The following SCN7A variants were observed in gnomAD, a reference collection of about 807,000 sequenced individuals.
SCN7A encodes sodium voltage-gated channel alpha subunit 7.
In SCN7A, 138 loss-of-function variants were observed where a neutral mutation model predicts 155.2. That is an observed-to-expected ratio of 0.89 (90% CI 0.77 to 1.02). The LOEUF (loss-of-function observed/expected upper bound fraction) is 1.02, where lower values mean the gene tolerates loss of function less well. Ranked by LOEUF, SCN7A falls within the 50% of genes least tolerant of loss-of-function variation. The pLI is 0.00. For missense variants in SCN7A, 2,058 were observed against 1,986.6 expected, an observed-to-expected ratio of 1.04 and a Z score of -0.68; for synonymous variants, 693 against 649.0, an observed-to-expected ratio of 1.07 and a Z score of -1.03.
chr2:166,477,441 A>T, intron 3 of SCN7A, 22 bp downstream of exon 3: 1 of 1,320,470 alleles, frequency 7.6e-7, no homozygotes. Context: ...ATGTCATCAA[A>T]ATAATCTCAA....
intron 3 of SCN7A, among the ~76,000 whole-genome samples, chr2:166,474,831 A>C (rs1018764222): frequency 5.1e-4 from 78 of 151,812 alleles, no homozygotes; most frequent in African/African-American, 1.9e-3. Context: ...TCTATGAAAT[A>C]AAACCAAACT....
rs750255248 is a variant in SCN7A, at chr2:166,447,577, T to C, written c.1387+35A>G. 2.2e-6 allele frequency: 3 copies of C among 1,383,766 alleles called. No individual in the cohort carries two copies. The African/African-American group carries it at 4.3e-5, about 20-fold the overall frequency. The allele number at this position is 1,383,766 out of a possible 1,614,324, so 85.7% of individuals were successfully genotyped here. On this transcript the variant is annotated intron_variant, in intron 12 of 25. Coordinates refer to ENST00000643258, the MANE Select transcript of SCN7A (RefSeq NM_002976.4). ...AAAAGTGAATTTTATGAGTAGTACC[T>C]TCAATAGTGAGTGTCTACTTATTTA...
rs140796931 is a variant in SCN7A, at chr2:166,465,314, A to G, written c.941+148T>C. 271 of 643,980 alleles carry G rather than the reference A, an allele frequency of 4.2e-4. No homozygotes were observed. In the East Asian group the frequency reaches 6.8e-3, roughly 16 times the overall value. 39.9% of individuals were successfully genotyped at this position (643,980 alleles called of 1,614,324 possible). A position where few individuals can be genotyped will look rare whatever the true frequency, so the allele number is the denominator to read the frequency against. On this transcript the variant is annotated intron_variant, in intron 9 of 25. Transcript: ENST00000643258. ...TGTGGTATTTTGTTAATGCAGCCTG[A>G]GTAGACTAAGACAACTTCTCAGTAT...
intron 10 of SCN7A, among the ~76,000 whole-genome samples, chr2:166,460,408 A>G (rs978869054): frequency 6.6e-6 from 1 of 151,480 alleles, no homozygotes; most frequent in Admixed American, 6.6e-5. Flanking sequence ...AATCAAAAAA[A>G]TTAAAATAAG....
chr2:166,416,916 A>C lies in SCN7A; in HGVS notation c.3205T>G (p.Trp1069Gly). ...ACTCCCATGATACTAAAAATCAGCC[A>C]GATCATCAGGCAGACAAGAAACACA... ...LNVFLVCLMIWLIFSIMGVDL... is the reference protein window; with the variant it reads ...LNVFLVCLMIGLIFSIMGVDL... The change falls in exon 21 of 26, where the codon TGG becomes GGG. Residue 1069 changes from tryptophan (W) to glycine (G), a missense_variant. By Grantham distance (184) the Trp-to-Gly change is radical. Coordinates refer to ENST00000643258, the MANE Select transcript of SCN7A (RefSeq NM_002976.4). 6.2e-7 allele frequency: 1 copy of C among 1,612,724 alleles called. No individual in the cohort carries two copies. The highest frequency in any genetic ancestry group is 8.5e-7 in the Non-Finnish European group (1 of 1,179,272).
intron 1 of SCN7A, among the ~76,000 whole-genome samples, chr2:166,489,769 T>G (rs1242500309): frequency 6.6e-6 from 1 of 152,180 alleles, no homozygotes; most frequent in African/African-American, 2.4e-5. Flanking sequence ...TCAGTCCAGT[T>G]TGGCTTCAGG....
intron 10 of SCN7A, among the ~76,000 whole-genome samples, chr2:166,457,328 A>C (rs1265117629): frequency 6.6e-6 from 1 of 152,238 alleles, no homozygotes. Context: ...AATTAACTTA[A>C]GGTAAGTATT....
intron 11 of SCN7A, among the ~76,000 whole-genome samples, chr2:166,454,033 C>A (rs1702228586): frequency 6.6e-6 from 1 of 151,856 alleles, no homozygotes; most frequent in Non-Finnish European, 1.5e-5. Context: ...GGATCCAGAG[C>A]AGAAAAATGA....
rs78394209 is a variant in SCN7A, at chr2:166,474,175, G to A, written c.353+51C>T. 5,404 of 755,630 alleles carry A rather than the reference G, an allele frequency of 7.2e-3. 288 individuals are homozygous for A. The East Asian group carries it at 0.13, about 18-fold the overall frequency. The allele number at this position is 755,630 out of a possible 1,614,324, so 46.8% of individuals were successfully genotyped here. A position where few individuals can be genotyped will look rare whatever the true frequency, so the allele number is the denominator to read the frequency against. On this transcript the variant is annotated intron_variant, in intron 4 of 25. Coordinates refer to ENST00000643258, the MANE Select transcript of SCN7A (RefSeq NM_002976.4). ...GAAATAATTGAATAATAGTATAGTT[G>A]CAGTTAATGTCAGCACAGTTTAAAG...
intron 15 of SCN7A, among the ~76,000 whole-genome samples, chr2:166,440,092 G>A (rs958909477): frequency 1.3e-5 from 2 of 152,106 alleles, no homozygotes; most frequent in African/African-American, 4.8e-5. Flanking sequence ...TCAGTTATTA[G>A]GAAACTTATA....
At chr2:166,464,650 T>C (rs1702487890) in intron 9 of SCN7A, among the ~76,000 whole-genome samples, 1 of 152,206 alleles carries the variant, frequency 6.6e-6, no homozygotes. Context: ...AGGCTTTCAA[T>C]GTTGCCCAGG....
chr2:166,413,063 C>T lies in SCN7A; in HGVS notation c.3468+5G>A. The T allele has an allele frequency of 6.5e-7, 1 of 1,527,134 alleles. No individual in the cohort carries two copies. The allele number at this position is 1,527,134 out of a possible 1,614,324, so 94.6% of individuals were successfully genotyped here. A position where few individuals can be genotyped will look rare whatever the true frequency, so the allele number is the denominator to read the frequency against. ...ACAATGGCTTTAAAATGATATTATA[C>T]TTACAGCAACAGAATCAATTGCTGA... On this transcript the variant is annotated splice_donor_5th_base_variant and intron_variant, in intron 22 of 25. Transcript: ENST00000643258.
At chr2:166,413,026 G>A (rs774135569) in intron 22 of SCN7A, 42 bp downstream of exon 22, 1 of 1,368,520 alleles carries the variant, frequency 7.3e-7, no homozygotes, top group Non-Finnish European at 1.0e-6. Flanking sequence ...AAATGACTTT[G>A]CTTGTATCCT....
chr2:166,424,954 C>T (rs1701590532), intron 18 of SCN7A, among the ~76,000 whole-genome samples: 2 of 152,080 alleles, frequency 1.3e-5, no homozygotes, highest in Admixed American at 1.3e-4. Context: ...TAACACACAA[C>T]TGAAGCCCTT....
intron 11 of SCN7A, among the ~76,000 whole-genome samples, chr2:166,452,403 A>AT (rs1559112075): frequency 6.6e-6 from 1 of 152,012 alleles, no homozygotes. Context: ...GAAACACATA[A>AT]TTTTTTGTCC....
intron 16 of SCN7A, 73 bp from the exon 17 acceptor site, chr2:166,429,347 A>AT: frequency 1.1e-6 from 1 of 944,296 alleles, no homozygotes; most frequent in Non-Finnish European, 1.6e-6. Flanking sequence ...AGTTTATTTC[A>AT]TTTTCAGAAG....
chr2:166,409,499 G>A (rs1274282931), intron 25 of SCN7A, among the ~76,000 whole-genome samples, 166 bp downstream of exon 25: 1 of 151,894 alleles, frequency 6.6e-6, no homozygotes, highest in Non-Finnish European at 1.5e-5. Context: ...GAATACAAAT[G>A]TGAAGCATTC....
intron 19 of SCN7A, among the ~76,000 whole-genome samples, chr2:166,421,556 T>C (rs972728250): frequency 5.3e-5 from 8 of 152,020 alleles, no homozygotes; most frequent in African/African-American, 1.9e-4. Flanking sequence ...GTGAGATAAA[T>C]AAAAGTTGTA....
chr2:166,417,469 T>TC (rs758125065), intron 20 of SCN7A, among the ~76,000 whole-genome samples: 1 of 151,580 alleles, frequency 6.6e-6, no homozygotes, highest in Non-Finnish European at 1.5e-5. Context: ...CCAGACTCCA[T>TC]CCCCCCACAA....
Sources: gnomAD v4.1 joint callset for allele counts (sites outside exome capture counted in the v4.1 genomes callset) on GRCh38, gnomAD v4.1.1 for gene constraint, MANE v1.5 for transcripts, NCBI Gene and HGNC (gene_info 2026-07-23, HGNC 2026-07-21) for gene names.